Variants in TTC7B observed in about 807,000 individuals in gnomAD.
The protein encoded by TTC7B is tetratricopeptide repeat protein 7B.
A neutral mutation model predicts 106.8 loss-of-function variants in TTC7B; 28 were observed. The ratio of observed to expected loss-of-function variants is 0.26; its 90% confidence interval spans 0.19 to 0.36. The LOEUF is 0.36. Among genes scored for constraint, TTC7B ranks in the 10% least tolerant of loss-of-function variants. The pLI is 1.00. For synonymous variants in TTC7B, 405 were observed against 430.6 expected, an observed-to-expected ratio of 0.94 and a Z score of 0.74; for missense variants, 862 against 1,076.4, an observed-to-expected ratio of 0.80 and a Z score of 2.79.
At chr14:90,804,396 T>C (rs1286319) in intron 1 of TTC7B, among the ~76,000 whole-genome samples, 112,757 of 151,894 alleles carry the variant, frequency 0.74, 42,256 homozygotes, top group Middle Eastern at 0.83. Flanking sequence ...GGTCTGTGGG[T>C]GGACAAGTGG....
intron 1 of TTC7B, among the ~76,000 whole-genome samples, chr14:90,798,966 G>A (rs1310321445): frequency 6.6e-6 from 1 of 152,160 alleles, no homozygotes; most frequent in Admixed American, 6.5e-5. Context: ...GATGACCCAT[G>A]TCACTGTGTG....
chr14:90,629,826 C>T (rs568334807), intron 15 of TTC7B, among the ~76,000 whole-genome samples: 51 of 152,370 alleles, frequency 3.3e-4, no homozygotes, highest in Non-Finnish European at 6.0e-4. Flanking sequence ...TCTGAGCCCC[C>T]GGCGGTCAGC....
intron 19 of TTC7B, among the ~76,000 whole-genome samples, chr14:90,544,177 T>C (rs1299744839): frequency 2.0e-5 from 3 of 152,230 alleles, no homozygotes; most frequent in East Asian, 1.9e-4. Flanking sequence ...GAGGCCACGC[T>C]GCCTCAGGTA....
At chr14:90,780,702 G>C (rs1376866491) in intron 3 of TTC7B, 36 bp downstream of exon 3, 3 of 1,598,570 alleles carry the variant, frequency 1.9e-6, no homozygotes, top group Non-Finnish European at 2.6e-6. Flanking sequence ...CTGGCTCCAG[G>C]TCACGGGACA....
chr14:90,616,474 C>T (rs1394299069), intron 16 of TTC7B, among the ~76,000 whole-genome samples: 1 of 152,036 alleles, frequency 6.6e-6, no homozygotes, highest in Non-Finnish European at 1.5e-5. Context: ...CAGCGCCGCG[C>T]CGCTGTTCCT....
In TTC7B at chr14:90,804,785, T is replaced by G. The variant is rs564381619; in HGVS notation, c.121+11390A>C. ...CTTCAGAGAAAACACTGCTTCCTGTTAGGCTTCGGGCCTGCAAGGGCCAGG... is the reference window on the plus strand; with the variant it reads ...CTTCAGAGAAAACACTGCTTCCTGTGAGGCTTCGGGCCTGCAAGGGCCAGG... On this transcript the variant is annotated intron_variant, in intron 1 of 19. Coordinates refer to ENST00000328459, the MANE Select transcript of TTC7B (RefSeq NM_001010854.2). 2.0e-5 allele frequency among the ~76,000 whole-genome samples: 3 copies of G among 152,314 alleles called. No homozygotes were observed. The South Asian group carries it at 6.2e-4, about 32-fold the overall frequency.
chr14:90,646,660 G>A (rs1167666860), intron 14 of TTC7B: 1 of 399,288 alleles, frequency 2.5e-6, no homozygotes, highest in East Asian at 5.0e-5. Context: ...CTGGGTTCAG[G>A]GTATATGCCA....
At chr14:90,728,373 G>A (rs1348566127) in intron 5 of TTC7B, among the ~76,000 whole-genome samples, 1 of 139,512 alleles carries the variant, frequency 7.2e-6, no homozygotes, top group Non-Finnish European at 1.5e-5. Context: ...AAGAATGAGA[G>A]TACCTGGCCC....
At position 90,802,934 on chromosome 14, in the gene TTC7B, A is replaced by G. The variant is rs2030363891; in HGVS notation, c.121+13241T>C. On this transcript the variant is annotated intron_variant, in intron 1 of 19. Transcript: ENST00000328459. This position sits in a 1 kb window ranked among gnomAD's most constrained non-coding sequence, Gnocchi z 4.7. Reference sequence around the variant, plus strand: ...AGCAGGCGGATCACCTAAGGTCAGAAGTTCGAGACCAACATGGTGAAACCC... The same window carrying G: ...AGCAGGCGGATCACCTAAGGTCAGAGGTTCGAGACCAACATGGTGAAACCC... 6.6e-6 allele frequency among the ~76,000 whole-genome samples: 1 copy of G among 151,336 alleles called. No homozygotes were observed. The highest frequency in any genetic ancestry group is 2.4e-5 in the African/African-American group (1 of 41,174).
At chr14:90,596,107 T>C (rs1892191446) in intron 17 of TTC7B, among the ~76,000 whole-genome samples, 1 of 152,106 alleles carries the variant, frequency 6.6e-6, no homozygotes, top group Non-Finnish European at 1.5e-5. Context: ...ACATTAGAAG[T>C]AAAAACATGT....
At chr14:90,615,285 G>A (rs746560835) in intron 16 of TTC7B, among the ~76,000 whole-genome samples, 37 of 152,160 alleles carry the variant, frequency 2.4e-4, no homozygotes, top group Admixed American at 1.3e-4. Context: ...TACTGCCCAC[G>A]TCTTCCTCAT....
At chr14:90,781,833 C>T (rs1312818206) in intron 2 of TTC7B, among the ~76,000 whole-genome samples, 1 of 152,186 alleles carries the variant, frequency 6.6e-6, no homozygotes, top group Non-Finnish European at 1.5e-5. Flanking sequence ...GCAAGGCTGG[C>T]CTGGCCAGTC....
At chr14:90,543,477 C>A (rs773459351) in intron 19 of TTC7B, among the ~76,000 whole-genome samples, 1 of 152,208 alleles carries the variant, frequency 6.6e-6, no homozygotes, top group Non-Finnish European at 1.5e-5. Context: ...GCCACAATAT[C>A]AAACTTCTGC....
intron 3 of TTC7B, among the ~76,000 whole-genome samples, chr14:90,763,973 G>A (rs1262251175): frequency 2.6e-5 from 4 of 152,008 alleles, no homozygotes; most frequent in Non-Finnish European, 5.9e-5. Flanking sequence ...TTTACAACCT[G>A]ACCCTAAAAT....
rs1265374712 is a variant in TTC7B, at chr14:90,629,594, G to A, written c.1752-11549C>T. Reference sequence around the variant, plus strand: ...AGGCAGCCCGGGGCCAGGTGCTGGGGAGCCAGAGGTTTCCAGGAAACACCT... The same window carrying A: ...AGGCAGCCCGGGGCCAGGTGCTGGGAAGCCAGAGGTTTCCAGGAAACACCT... On this transcript the variant is annotated intron_variant, in intron 15 of 19. Transcript: ENST00000328459. Among the ~76,000 whole-genome samples, 3 of 152,230 alleles carry A rather than the reference G, an allele frequency of 2.0e-5. No homozygotes were observed. The East Asian group carries it at 5.8e-4, about 29-fold the overall frequency.
At chr14:90,687,931 G>GA (rs1887309927) in intron 7 of TTC7B, among the ~76,000 whole-genome samples, 1 of 152,236 alleles carries the variant, frequency 6.6e-6, no homozygotes, top group African/African-American at 2.4e-5. Flanking sequence ...GGATTATTAA[G>GA]AGGTGGCAAC....
At chr14:90,726,990 T>A (rs1370268997) in intron 5 of TTC7B, among the ~76,000 whole-genome samples, 1 of 146,558 alleles carries the variant, frequency 6.8e-6, no homozygotes, top group African/African-American at 2.5e-5. Context: ...TCCTGCCTCA[T>A]AAGGAAAGAG....
Position 90,524,637 on chromosome 14 carries a change from C to G in TTC7B, c.*16731G>C, listed in dbSNP as rs868721661. ...CCACTCTTCTCCCCACAGCCACCGC[C>G]TGCCCAAAACAGGTCATGCCCCTGG... On this transcript the variant is annotated 3_prime_UTR_variant, in exon 20 of 20. Transcript: ENST00000328459. 3.0e-4 allele frequency: 46 copies of G among 152,434 alleles called. No individual in the cohort carries two copies. Among genetic ancestry groups the G allele is most frequent in the African/African-American group, 1.1e-3 (45 of 41,596 alleles). The allele number at this position is 152,434 out of a possible 1,614,324, so 9.4% of individuals were successfully genotyped here. A position where few individuals can be genotyped will look rare whatever the true frequency, so the allele number is the denominator to read the frequency against.
chr14:90,567,048 G>C (rs1890829513), intron 19 of TTC7B, among the ~76,000 whole-genome samples: 1 of 151,946 alleles, frequency 6.6e-6, no homozygotes, highest in African/African-American at 2.4e-5. Context: ...CGGGGGCGGG[G>C]AGGGGTGGTC....
Sources: allele counts gnomAD v4.1 joint callset (sites outside exome capture counted in the v4.1 genomes callset), GRCh38; gene constraint gnomAD v4.1.1; non-coding constraint Gnocchi (gnomAD v3.1); transcripts MANE v1.5; gene names NCBI Gene and HGNC (gene_info 2026-07-23, HGNC 2026-07-21).